Variants in CELF2 observed in about 807,000 individuals in gnomAD.
CELF2 encodes CUGBP Elav-like family member 2, also known as CUG triplet repeat RNA-binding protein 2.
In CELF2, 8 loss-of-function variants were observed where a neutral mutation model predicts 62.6. The observed-to-expected ratio is 0.13, with a 90% CI of 0.07 to 0.23. CELF2 has a LOEUF of 0.23. Among genes scored for constraint, CELF2 ranks in the 10% least tolerant of loss-of-function variants. The pLI, the probability that CELF2 is intolerant of heterozygous loss-of-function variation, is 1.00. For missense variants in CELF2, 333 were observed against 671.0 expected (o/e 0.50, Z 5.56); for synonymous variants, 258 against 250.0 (o/e 1.03, Z -0.30).
chr10:10,480,149 C>T, the CELF2 span, among the ~76,000 whole-genome samples: 1 of 152,154 alleles, frequency 6.6e-6, no homozygotes, highest in Admixed American at 6.5e-5. Context: ...TATTTAGAAG[C>T]AGAATCTTTA....
At chr10:10,853,857 A>G (rs1230514639) in intron 1 of CELF2, among the ~76,000 whole-genome samples, 1 of 152,100 alleles carries the variant, frequency 6.6e-6, no homozygotes, top group African/African-American at 2.4e-5. Flanking sequence ...CCGGCTGGCC[A>G]GGTGACGATG....
chr10:10,795,239 CTT>C (rs10551602), upstream of CELF2, among the ~76,000 whole-genome samples: 4,268 of 134,654 alleles, frequency 0.032, 194 homozygotes, highest in African/African-American at 0.11. Flanking sequence ...ATGGATTCAA[CTT>C]TTTTTTTTTT....
chr10:10,916,777 T>G (rs2064372117), intron 1 of CELF2, among the ~76,000 whole-genome samples: 1 of 152,200 alleles, frequency 6.6e-6, no homozygotes, highest in East Asian at 1.9e-4. Context: ...CACACCCGGC[T>G]AATTTTTGTA....
In CELF2 at chr10:11,302,655, C is replaced by A. The variant is rs1414498014; in HGVS notation, c.977-11484C>A. On this transcript the variant is annotated intron_variant, in intron 9 of 12. Coordinates refer to ENST00000633077, the MANE Select transcript of CELF2 (RefSeq NM_001326342.2). This position sits in a 1 kb window ranked among gnomAD's most constrained non-coding sequence, Gnocchi z 5.0. ...TCTCTGTGATCTGGTCATTTAGGAT[C>A]GAGTTGGGTGTACTTGGTGTGGCAG... Among the ~76,000 whole-genome samples the A allele has an allele frequency of 2.0e-5, 3 of 152,270 alleles. No homozygotes were observed. The South Asian group carries it at 6.2e-4, about 32-fold the overall frequency.
Position 10,983,318 on chromosome 10 carries a change from G to A in CELF2, c.89+63319G>A, listed in dbSNP as rs2052368499. Among the ~76,000 whole-genome samples the A allele has an allele frequency of 6.6e-6, 1 of 152,130 alleles. No individual in the cohort carries two copies. The highest frequency in any genetic ancestry group is 2.1e-4 in the South Asian group (1 of 4,826). ...TAAAACTAGCTGAGGGTGCTTGGGG[G>A]TAGGGTATTCAGTTAGTAACCTGTA... On this transcript the variant is annotated intron_variant, in intron 2 of 13. Coordinates refer to the CELF2 transcript ENST00000636488. This position sits in a 1 kb window ranked among gnomAD's most constrained non-coding sequence, Gnocchi z 5.2.
chr10:10,800,016 C>G (rs1435773366), intron 1 of CELF2, among the ~76,000 whole-genome samples: 1 of 152,150 alleles, frequency 6.6e-6, no homozygotes, highest in African/African-American at 2.4e-5. Flanking sequence ...GTTACTGGAA[C>G]TTCTTTTTCC....
At chr10:10,702,571 A>G in the CELF2 span, among the ~76,000 whole-genome samples, 9 of 152,184 alleles carry the variant, frequency 5.9e-5, no homozygotes, top group Non-Finnish European at 1.2e-4. Flanking sequence ...ATTTTGGGTA[A>G]CAAAATTTTA....
At chr10:11,122,672 C>G (rs971289615) in intron 1 of CELF2, among the ~76,000 whole-genome samples, 5 of 152,206 alleles carry the variant, frequency 3.3e-5, no homozygotes, top group African/African-American at 1.2e-4. Context: ...CTATGAGAAA[C>G]AGGCCTCTTA....
chr10:11,199,772 C>T (rs2058800951), intron 2 of CELF2, among the ~76,000 whole-genome samples: 1 of 152,220 alleles, frequency 6.6e-6, no homozygotes, highest in Non-Finnish European at 1.5e-5. Context: ...TCCATTGCTT[C>T]TCTAAAGCAG....
At chr10:11,277,833 T>C (rs943146385) in intron 8 of CELF2, among the ~76,000 whole-genome samples, 4 of 152,228 alleles carry the variant, frequency 2.6e-5, no homozygotes, top group Admixed American at 1.3e-4. Context: ...TATTGAGTGA[T>C]TGATACTGTG....
intron 1 of CELF2, among the ~76,000 whole-genome samples, chr10:10,868,972 G>T (rs531338805): frequency 6.6e-6 from 1 of 152,294 alleles, no homozygotes; most frequent in South Asian, 2.1e-4. Flanking sequence ...TAATTAATGT[G>T]TACCACACAT....
intron 2 of CELF2, among the ~76,000 whole-genome samples, chr10:11,200,427 C>A (rs1196118199): frequency 9.2e-5 from 14 of 152,226 alleles, no homozygotes; most frequent in African/African-American, 3.4e-4. Flanking sequence ...AATACCAGTT[C>A]TCTGTCTTTT....
At chr10:11,299,263 G>GCT (rs1482771217) in intron 9 of CELF2, among the ~76,000 whole-genome samples, 2 of 152,250 alleles carry the variant, frequency 1.3e-5, no homozygotes, top group Admixed American at 1.3e-4. Flanking sequence ...GGTGGTGCGT[G>GCT]CTCTGCACCG....
intron 2 of CELF2, among the ~76,000 whole-genome samples, chr10:11,173,328 G>A (rs2069634068): frequency 1.3e-5 from 2 of 152,178 alleles, no homozygotes; most frequent in African/African-American, 2.4e-5. Flanking sequence ...CTGCCTTAGC[G>A]TGACCTACCT....
the CELF2 span, among the ~76,000 whole-genome samples, chr10:10,637,723 G>A: frequency 6.6e-6 from 1 of 152,114 alleles, no homozygotes; most frequent in African/African-American, 2.4e-5. Context: ...ACACGGAGTC[G>A]CAGATGATTT....
chr10:11,089,001 A>C (rs1257878574), intron 1 of CELF2, among the ~76,000 whole-genome samples: 1 of 152,142 alleles, frequency 6.6e-6, no homozygotes, highest in Non-Finnish European at 1.5e-5. Context: ...GGTTTGAGAG[A>C]GGCGAGCTTC....
Position 11,333,357 on chromosome 10 carries a change from G to GGAAACCGCTTTTTT in CELF2, c.*4305_*4318dup, listed in dbSNP as rs2096064606. 2.0e-5 allele frequency: 3 copies of GGAAACCGCTTTTTT among 152,516 alleles called. No homozygotes were observed. The highest frequency in any genetic ancestry group is 7.2e-5 in the African/African-American group (3 of 41,392). The allele number at this position is 152,516 out of a possible 1,614,324, so 9.4% of individuals were successfully genotyped here. A position where few individuals can be genotyped will look rare whatever the true frequency, so the allele number is the denominator to read the frequency against. ...CTGTGCCAGAAGAAAACACACACAG[G>GGAAACCGCTTTTTT]GAAACCGCTTTTTTTAATCAATTGT... On this transcript the variant is annotated 3_prime_UTR_variant, in exon 13 of 13. Coordinates refer to ENST00000633077, the MANE Select transcript of CELF2 (RefSeq NM_001326342.2).
At chr10:10,770,806 G>A in the CELF2 span, among the ~76,000 whole-genome samples, 1 of 152,224 alleles carries the variant, frequency 6.6e-6, no homozygotes, top group East Asian at 1.9e-4. Context: ...GATGTTAATG[G>A]ATGATGAATG....
At chr10:10,865,336 A>G (rs1469258268) in intron 1 of CELF2, among the ~76,000 whole-genome samples, 1 of 152,210 alleles carries the variant, frequency 6.6e-6, no homozygotes, top group African/African-American at 2.4e-5. Context: ...TCTTCTCGCA[A>G]AAATATCAAC....
Sources: allele counts gnomAD v4.1 joint callset (sites outside exome capture counted in the v4.1 genomes callset), GRCh38; gene constraint gnomAD v4.1.1; non-coding constraint Gnocchi (gnomAD v3.1); transcripts MANE v1.5; gene names NCBI Gene and HGNC (gene_info 2026-07-23, HGNC 2026-07-21).